The following KCNK9 variants were observed in gnomAD, a reference collection of about 807,000 sequenced individuals.
The protein encoded by KCNK9 is potassium channel subfamily K member 9.
In KCNK9, 1 loss-of-function variant was observed where a neutral mutation model predicts 10.8. The observed-to-expected ratio is 0.09, with a 90% confidence interval of 0.03 to 0.44. KCNK9 has a LOEUF of 0.44. Ranked by LOEUF, KCNK9 falls within the 20% of genes least tolerant of loss-of-function variation. KCNK9 has a pLI of 0.97. For missense variants in KCNK9, 303 were observed against 515.0 expected (o/e 0.59, Z 3.98); for synonymous variants, 231 against 222.7 (o/e 1.04, Z -0.33).
chr8:139,690,241 G>T (rs1024849449), intron 1 of KCNK9, among the ~76,000 whole-genome samples: 1 of 152,220 alleles, frequency 6.6e-6, no homozygotes, highest in African/African-American at 2.4e-5. Flanking sequence ...TGGGCAAGTT[G>T]CTTAGTCTCT....
intron 1 of KCNK9, among the ~76,000 whole-genome samples, chr8:139,629,457 C>A (rs1421719992): frequency 6.6e-6 from 1 of 152,262 alleles, no homozygotes; most frequent in Non-Finnish European, 1.5e-5. Context: ...GTCCAAACGT[C>A]CATCAGTGGA....
At chr8:139,630,022 G>C (rs1161878865) in intron 1 of KCNK9, among the ~76,000 whole-genome samples, 1 of 151,872 alleles carries the variant, frequency 6.6e-6, no homozygotes, top group Non-Finnish European at 1.5e-5. Context: ...ACACCTATGG[G>C]GACAGAAAGC....
At chr8:139,694,489 C>A (rs1817005750) in intron 1 of KCNK9, among the ~76,000 whole-genome samples, 1 of 152,212 alleles carries the variant, frequency 6.6e-6, no homozygotes, top group African/African-American at 2.4e-5. Context: ...CTGCAGGGCA[C>A]TGGCATCCCA....
intron 1 of KCNK9, among the ~76,000 whole-genome samples, chr8:139,646,762 A>C (rs575497472): frequency 9.8e-5 from 15 of 152,390 alleles, no homozygotes; most frequent in African/African-American, 3.6e-4. Flanking sequence ...GAATCTAGCA[A>C]GATGAAATAA....
intron 2 of KCNK9, among the ~76,000 whole-genome samples, chr8:139,603,631 T>A (rs2072566): frequency 0.095 from 14,457 of 152,236 alleles, 1,101 homozygotes; most frequent in East Asian, 0.41. Context: ...TCCACCTTGC[T>A]CTCTGCTTTC....
At chr8:139,648,558 A>C (rs1279562998) in intron 1 of KCNK9, among the ~76,000 whole-genome samples, 1 of 152,246 alleles carries the variant, frequency 6.6e-6, no homozygotes, top group African/African-American at 2.4e-5. Flanking sequence ...CTAGCCCAGC[A>C]TACAAATTCA....
At chr8:139,697,907 G>T (rs1323438296) in intron 1 of KCNK9, among the ~76,000 whole-genome samples, 1 of 152,122 alleles carries the variant, frequency 6.6e-6, no homozygotes, top group Non-Finnish European at 1.5e-5. Flanking sequence ...AAGAGGAGCT[G>T]CCCACAGGCA....
intron 1 of KCNK9, among the ~76,000 whole-genome samples, chr8:139,654,675 G>A (rs948266588): frequency 2.0e-5 from 3 of 152,176 alleles, no homozygotes; most frequent in Non-Finnish European, 4.4e-5. Flanking sequence ...ATCCTTCCAG[G>A]CACCTGAGGA....
intron 1 of KCNK9, among the ~76,000 whole-genome samples, chr8:139,660,687 A>G (rs1283740099): frequency 6.6e-6 from 1 of 152,174 alleles, no homozygotes; most frequent in African/African-American, 2.4e-5. Flanking sequence ...TCATTGAGTC[A>G]ATAAGCATTT....
intron 1 of KCNK9, among the ~76,000 whole-genome samples, chr8:139,671,459 T>G (rs966862861): frequency 6.6e-6 from 1 of 151,916 alleles, no homozygotes; most frequent in South Asian, 2.1e-4. Flanking sequence ...TGGCCAGCAT[T>G]GAGCCCGTGC....
rs966573193 is a variant in KCNK9 at position 139,617,743 on chromosome 8, G to A, written c.*515C>T. On this transcript the variant is annotated 3_prime_UTR_variant, in exon 2 of 2. Transcript: ENST00000520439. Reference sequence around the variant, plus strand: ...GAAAACGGAATACCTAATACTTCCCGTTTTGTCACGACACACGTGCACACA... The same window carrying A: ...GAAAACGGAATACCTAATACTTCCCATTTTGTCACGACACACGTGCACACA... 6.6e-6 allele frequency among the ~76,000 whole-genome samples: 1 copy of A among 152,104 alleles called. No individual in the cohort carries two copies. Among genetic ancestry groups the A allele is most frequent in the African/African-American group, 2.4e-5 (1 of 41,418 alleles).
intron 1 of KCNK9, among the ~76,000 whole-genome samples, chr8:139,666,666 G>T (rs77877530): frequency 6.6e-6 from 1 of 152,254 alleles, no homozygotes; most frequent in Non-Finnish European, 1.5e-5. Context: ...GCATACAGCA[G>T]GTGCTCAAAT....
chr8:139,653,750 G>A (rs180885535), intron 1 of KCNK9, among the ~76,000 whole-genome samples: 152 of 152,298 alleles, frequency 1.0e-3, no homozygotes, highest in African/African-American at 3.5e-3. Flanking sequence ...CTACAAACAC[G>A]AGGCGGCATT....
chr8:139,694,030 C>A (rs867899079), intron 1 of KCNK9, among the ~76,000 whole-genome samples: 1 of 152,182 alleles, frequency 6.6e-6, no homozygotes, highest in Non-Finnish European at 1.5e-5. Context: ...CGGCTTGACA[C>A]CATCCCAACC....
chr8:139,645,816 T>G (rs1158881417), intron 1 of KCNK9, among the ~76,000 whole-genome samples: 19 of 152,212 alleles, frequency 1.2e-4, no homozygotes, highest in Admixed American at 1.2e-3. Flanking sequence ...CCCCTCCTCC[T>G]GCCTGCTCTC....
chr8:139,611,828 T>C (rs1459244525), downstream of KCNK9: 2 of 152,204 alleles, frequency 1.3e-5, no homozygotes, highest in African/African-American at 4.8e-5. Context: ...AGGCGTGCAT[T>C]GAGTTACCCT....
chr8:139,687,563 CATATATTCATAT>C (rs1464540433), intron 1 of KCNK9, among the ~76,000 whole-genome samples: 1 of 104,690 alleles, frequency 9.6e-6, no homozygotes, highest in African/African-American at 3.7e-5. Context: ...TATATGTATA[CATATATTCATAT>C]ATATGTATAC....
chr8:139,671,095 T>A (rs1477138318), intron 1 of KCNK9, among the ~76,000 whole-genome samples: 1 of 152,250 alleles, frequency 6.6e-6, no homozygotes, highest in Non-Finnish European at 1.5e-5. Context: ...ATAGCAATTA[T>A]CAGTAACCAG....
intron 1 of KCNK9, among the ~76,000 whole-genome samples, chr8:139,619,686 T>G (rs1003095304): frequency 3.3e-5 from 5 of 152,182 alleles, no homozygotes; most frequent in Admixed American, 3.3e-4. Flanking sequence ...GAAAACTGAG[T>G]TAGCAGGGTA....
Sources: gnomAD v4.1 joint callset for allele counts (sites outside exome capture counted in the v4.1 genomes callset) on GRCh38, gnomAD v4.1.1 for gene constraint, MANE v1.5 for transcripts, NCBI Gene and HGNC (gene_info 2026-07-23, HGNC 2026-07-21) for gene names.